The following ZNF841 variants were observed in gnomAD, a reference collection of about 807,000 sequenced individuals.
ZNF841 encodes the protein TCONS_00006091.
Under a neutral mutation model 13.0 loss-of-function variants are expected in ZNF841, and 11 were observed. That is an observed-to-expected ratio of 0.85 (90% CI 0.53 to 1.40). The LOEUF (loss-of-function observed/expected upper bound fraction) is 1.40, where lower values mean the gene tolerates loss of function less well. ZNF841 is among the 40% of genes most tolerant of loss of function. The pLI is 0.00. For synonymous variants in ZNF841, 369 were observed against 381.6 expected (o/e 0.97, Z 0.38); for missense variants, 1,068 against 1,139.5 (o/e 0.94, Z 0.90).
At chr19:52,087,683 A>C (rs540128812) in intron 3 of ZNF841, among the ~76,000 whole-genome samples, 3 of 151,928 alleles carry the variant, frequency 2.0e-5, no homozygotes, top group African/African-American at 7.2e-5. Flanking sequence ...GGGAAAAAAA[A>C]CTCCAAAAAA....
At position 52,066,062 on chromosome 19, in the gene ZNF841, A is replaced by G. The variant is rs376585269; in HGVS notation, c.1820T>C (p.Ile607Thr). 56 of 1,613,224 alleles carry G rather than the reference A, an allele frequency of 3.5e-5. No individual in the cohort carries two copies. The African/African-American group carries it at 4.0e-4, about 12-fold the overall frequency. ...YKCNVCGKVFIDSGNLSIHRR... is the reference protein window; with the variant it reads ...YKCNVCGKVFTDSGNLSIHRR... The stretch of plus-strand genomic sequence containing the variant: ...ATGAATTGAAAGGTTTCCACTGTCA[A>G]TGAAGACCTTGCCACACACATTACA... The change falls in exon 7 of 7, where the codon ATT (isoleucine) becomes ACT (threonine). Residue 607 changes from isoleucine to threonine, a missense_variant. Transcript: ENST00000594440.
At chr19:52,076,908 C>T (rs2087918057) in intron 5 of ZNF841, 50 bp downstream of exon 5, 1 of 1,599,642 alleles carries the variant, frequency 6.3e-7, no homozygotes, top group Non-Finnish European at 8.5e-7. Flanking sequence ...AAGGAAAGTA[C>T]AAAAATGCAC....
chr19:52,083,111 C>T (rs1300705891), intron 4 of ZNF841, among the ~76,000 whole-genome samples: 4 of 151,534 alleles, frequency 2.6e-5, no homozygotes, highest in African/African-American at 9.7e-5. Flanking sequence ...ATTTCAAAAA[C>T]TTGCAAAATA....
chr19:52,072,843 G>A (rs1195765618), intron 6 of ZNF841, among the ~76,000 whole-genome samples: 1 of 151,706 alleles, frequency 6.6e-6, no homozygotes, highest in Non-Finnish European at 1.5e-5. Context: ...AAACAAACAA[G>A]GACCATACTC....
At chr19:52,076,831 TTTTA>T in intron 5 of ZNF841, 123 bp downstream of exon 5, 1 of 1,202,938 alleles carries the variant, frequency 8.3e-7, no homozygotes. Flanking sequence ...TTATGAAGCT[TTTTA>T]TTTGTGAATC....
At chr19:52,081,506 A>G (rs2088097494) in intron 4 of ZNF841, among the ~76,000 whole-genome samples, 1 of 152,242 alleles carries the variant, frequency 6.6e-6, no homozygotes, top group Non-Finnish European at 1.5e-5. Context: ...TATATGAACT[A>G]TGCATGCAAA....
At chr19:52,079,060 CTTCATTTACTTATTTACTT>C (rs1316522504) in intron 4 of ZNF841, among the ~76,000 whole-genome samples, 11 of 47,882 alleles carry the variant, frequency 2.3e-4, no homozygotes, top group Admixed American at 2.4e-4. Flanking sequence ...GTACTTAGTA[CTTCATTTACTTATTTACTT>C]AGTACTTCAT....
At chr19:52,074,034 C>T (rs2087818282) in intron 6 of ZNF841, among the ~76,000 whole-genome samples, 2 of 152,122 alleles carry the variant, frequency 1.3e-5, no homozygotes, top group African/African-American at 4.8e-5. Flanking sequence ...CAAATATATA[C>T]TTTCATAGTA....
chr19:52,063,049 G>C (rs1180930584), downstream of ZNF841, among the ~76,000 whole-genome samples: 1 of 151,890 alleles, frequency 6.6e-6, no homozygotes, highest in Non-Finnish European at 1.5e-5. Context: ...CTAATTATTT[G>C]TATTTTTAGT....
chr19:52,063,282 AT>A (rs2087435769), downstream of ZNF841, among the ~76,000 whole-genome samples: 1 of 152,172 alleles, frequency 6.6e-6, no homozygotes, highest in Non-Finnish European at 1.5e-5. Context: ...AGGTCCTTCC[AT>A]GTTAAGCACA....
chr19:52,059,870 A>G (rs2087369667), downstream of ZNF841, among the ~76,000 whole-genome samples: 1 of 152,208 alleles, frequency 6.6e-6, no homozygotes, highest in South Asian at 2.1e-4. Flanking sequence ...GGAAATTAAA[A>G]GTACCTCTGA....
At position 52,074,706 on chromosome 19, in the gene ZNF841, G is replaced by A. The variant is rs192804309; in HGVS notation, c.271+1338C>T. On this transcript the variant is annotated intron_variant, in intron 6 of 6. Coordinates refer to ENST00000594440, the MANE Select transcript of ZNF841 (RefSeq NM_001136499.2). ...TAACTTTTGTATTTTTAGTAGAGAC[G>A]GGGTTTCACCAAGTTGGCCAGGCTG... Among the ~76,000 whole-genome samples, 59 of 152,102 alleles carry A rather than the reference G, an allele frequency of 3.9e-4. No homozygotes were observed. In the East Asian group the frequency reaches 0.01, roughly 27 times the overall value.
chr19:52,093,018 A>G (rs1352833080), intron 2 of ZNF841, among the ~76,000 whole-genome samples: 2 of 152,190 alleles, frequency 1.3e-5, no homozygotes, highest in African/African-American at 4.8e-5. Context: ...CGGGAGGCTG[A>G]GGCAGGAGAA....
rs991896025 is a variant in ZNF841 at position 52,064,784 on chromosome 19, C to T, written c.*323G>A. The T allele has an allele frequency of 7.0e-5, 12 of 172,094 alleles. No homozygotes were observed. Among genetic ancestry groups the T allele is most frequent in the African/African-American group, 2.9e-4 (12 of 41,898 alleles). 10.7% of individuals were successfully genotyped at this position (172,094 alleles called of 1,614,324 possible). A position where few individuals can be genotyped will look rare whatever the true frequency, so the allele number is the denominator to read the frequency against. On this transcript the variant is annotated 3_prime_UTR_variant, in exon 7 of 7. Coordinates refer to ENST00000594440, the MANE Select transcript of ZNF841 (RefSeq NM_001136499.2). ...GAGTAGCTGGTACTACCAGTACCCG[C>T]CACGAAGCCCAGCTAATTTTTGTAT...
At chr19:52,059,370 A>AAAAAAAATATATATAT in the ZNF841 span, among the ~76,000 whole-genome samples, 1 of 69,654 alleles carries the variant, frequency 1.4e-5, no homozygotes, top group African/African-American at 8.2e-5. Flanking sequence ...AAAAAAAAAA[A>AAAAAAAATATATATAT]ATATATATAT....
At chr19:52,081,927 CA>C (rs1282108346) in intron 4 of ZNF841, among the ~76,000 whole-genome samples, 2 of 152,072 alleles carry the variant, frequency 1.3e-5, no homozygotes, top group Admixed American at 1.3e-4. Flanking sequence ...TAGATGAATT[CA>C]ACAGCTGACT....
intron 4 of ZNF841, among the ~76,000 whole-genome samples, chr19:52,077,422 C>A (rs1429640987): frequency 6.6e-6 from 1 of 152,124 alleles, no homozygotes; most frequent in African/African-American, 2.4e-5. Flanking sequence ...TCAGAGATGA[C>A]AATGTTCTTA....
chr19:52,091,517 G>A (rs2088496033), intron 2 of ZNF841, among the ~76,000 whole-genome samples: 1 of 151,956 alleles, frequency 6.6e-6, no homozygotes, highest in Non-Finnish European at 1.5e-5. Context: ...AAACACAAGA[G>A]AGCCCAGAAA....
Position 52,066,956 on chromosome 19 carries a change from A to G in ZNF841, c.926T>C (p.Ile309Thr), listed in dbSNP as rs575215697. ...HRGSLLTVHQ[I>T]VHTRGKPYQC... is the part of the protein sequence containing the mutation. ...GTATGGTTTCCCTCTTGTATGGACT[A>G]TCTGATGTACTGTTAGTAGTGAGCC... The change falls in exon 7 of 7, where the codon ATA becomes ACA. Residue 309 changes from isoleucine to threonine, a missense_variant. Coordinates refer to ENST00000594440, the MANE Select transcript of ZNF841 (RefSeq NM_001136499.2). 1.2e-6 allele frequency: 2 copies of G among 1,614,146 alleles called. No homozygotes were observed. The highest frequency in any genetic ancestry group is 1.3e-5 in the African/African-American group (1 of 75,036).
Sources: gnomAD v4.1 joint callset for allele counts (sites outside exome capture counted in the v4.1 genomes callset) on GRCh38, gnomAD v4.1.1 for gene constraint, MANE v1.5 for transcripts, NCBI Gene and HGNC (gene_info 2026-07-23, HGNC 2026-07-21) for gene names.